Variants in CD8B observed in about 807,000 individuals in gnomAD.
CD8B encodes CD8 subunit beta.
CD8B carries 6 observed loss-of-function variants against 24.2 expected under a neutral mutation model. That is an observed-to-expected ratio of 0.25 (90% CI 0.14 to 0.49). CD8B has a LOEUF of 0.49. Among genes scored for constraint, CD8B ranks in the 20% least tolerant of loss-of-function variants. The pLI, the probability that CD8B is intolerant of heterozygous loss-of-function variation, is 0.98. For synonymous variants in CD8B, 84 were observed against 108.3 expected (o/e 0.78, Z 1.39); for missense variants, 196 against 271.3 (o/e 0.72, Z 1.95).
Position 86,839,335 on chromosome 2 carries a change from G to C in CD8B, c.*2972C>G, listed in dbSNP as rs188199055. ...TTGGATTATTTCCCATTTTTAGCTA[G>C]TAAGCAACACTAGAAGGAACAATCT... is the stretch of plus-strand genomic sequence containing the variant. On this transcript the variant is annotated 3_prime_UTR_variant, in exon 6 of 6. Coordinates refer to ENST00000390655, the MANE Select transcript of CD8B (RefSeq NM_004931.5). 8.0e-3 allele frequency among the ~76,000 whole-genome samples: 1,220 copies of C among 152,268 alleles called. 16 individuals are homozygous for C. Among genetic ancestry groups the C allele is most frequent in the African/African-American group, 0.027 (1,133 of 41,544 alleles).
chr2:86,837,515 CA>C, downstream of CD8B, among the ~76,000 whole-genome samples: 1 of 152,098 alleles, frequency 6.6e-6, no homozygotes, highest in African/African-American at 2.4e-5. Context: ...CAAGAAGCGA[CA>C]GAGGAAATAT....
At chr2:86,838,085 T>G (rs187423900), downstream of CD8B, among the ~76,000 whole-genome samples, 217 of 152,348 alleles carry the variant, frequency 1.4e-3, 2 homozygotes, top group African/African-American at 5.0e-3. Flanking sequence ...TGGTTCAGAT[T>G]TTTTTAATTT....
rs1472613900 is a variant in CD8B, at chr2:86,839,658, C to T, written c.*2649G>A. On this transcript the variant is annotated 3_prime_UTR_variant, in exon 6 of 6. Transcript: ENST00000390655. ...GCTGCACAGAAAACTGACAGAGGAG[C>T]GCAAACCACCCCTGCCCCCAGCCCA... Among the ~76,000 whole-genome samples, 1 of 152,214 alleles carries T rather than the reference C, an allele frequency of 6.6e-6. No homozygotes were observed. Among genetic ancestry groups the T allele is most frequent in the African/African-American group, 2.4e-5 (1 of 41,450 alleles).
rs1674479825 is a variant in CD8B, at chr2:86,821,691, A to C, written c.621-5973T>G. 2.1e-5 allele frequency: 9 copies of C among 427,608 alleles called. 1 individual carries two copies. Among genetic ancestry groups the C allele is most frequent in the South Asian group, 1.5e-4 (9 of 61,808 alleles). 26.5% of individuals were successfully genotyped at this position (427,608 alleles called of 1,614,324 possible). ...AACCCAGTGTGGACCCCCAAATGGA[A>C]CATTTTCCTTCCCTAGGTGAACGCC... is the stretch of plus-strand genomic sequence containing the variant. On this transcript the variant is annotated intron_variant, in intron 5 of 5. Transcript: ENST00000331469.
intron 5 of CD8B, among the ~76,000 whole-genome samples, chr2:86,844,106 A>C (rs1416744990): frequency 6.6e-6 from 1 of 152,206 alleles, no homozygotes; most frequent in Non-Finnish European, 1.5e-5. Flanking sequence ...GATGGCTTCC[A>C]ACAGCCTCAT....
chr2:86,832,073 A>C (rs1189509333), intron 5 of CD8B, among the ~76,000 whole-genome samples: 1 of 152,218 alleles, frequency 6.6e-6, no homozygotes, highest in Non-Finnish European at 1.5e-5. Context: ...TTGAGTGTTC[A>C]CACCACGCAG....
chr2:86,854,170 G>T (rs1268152605), intron 2 of CD8B, among the ~76,000 whole-genome samples: 2 of 152,154 alleles, frequency 1.3e-5, no homozygotes, highest in East Asian at 3.9e-4. Flanking sequence ...AGAATGAAAG[G>T]GACAGTGTGT....
chr2:86,860,277 A>G (rs1676506315), intron 1 of CD8B, among the ~76,000 whole-genome samples: 2 of 152,236 alleles, frequency 1.3e-5, no homozygotes, highest in African/African-American at 4.8e-5. Context: ...CTTGGAAAAG[A>G]AAAAATTATT....
chr2:86,837,378 A>C (rs1460724632), downstream of CD8B, among the ~76,000 whole-genome samples: 1 of 152,160 alleles, frequency 6.6e-6, no homozygotes, highest in Admixed American at 6.5e-5. Flanking sequence ...ATTTCTGTGA[A>C]TCTCAAACCG....
intron 5 of CD8B, among the ~76,000 whole-genome samples, chr2:86,821,060 A>C (rs1238903898): frequency 6.6e-6 from 1 of 150,798 alleles, no homozygotes; most frequent in Non-Finnish European, 1.5e-5. Context: ...CCAACTCCCC[A>C]CTTCTGAACC....
At chr2:86,833,061 C>A in intron 5 of CD8B, 1 of 388,300 alleles carries the variant, frequency 2.6e-6, no homozygotes, top group South Asian at 1.9e-5. Flanking sequence ...CTCACAGGGT[C>A]ATAGGCACAG....
In CD8B at chr2:86,829,095, C is replaced by CTTTTTT. The variant is rs746569858; in HGVS notation, c.621-13383_621-13378dup. Among the ~76,000 whole-genome samples, 278 of 82,974 alleles carry CTTTTTT rather than the reference C, an allele frequency of 3.4e-3. 26 individuals are homozygous for CTTTTTT. Among genetic ancestry groups the CTTTTTT allele is most frequent in the African/African-American group, 7.7e-3 (176 of 22,868 alleles). The allele number at this position is 82,974 out of a possible 152,430, so 54.4% of individuals were successfully genotyped here. On this transcript the variant is annotated intron_variant, in intron 5 of 5. Transcript: ENST00000331469. Reference sequence around the variant, plus strand: ...TTACCATTTTGGCATATGCTCTTTACTTTTTTTTTTTTTTTTTTTTTTGAG... The same window carrying CTTTTTT: ...TTACCATTTTGGCATATGCTCTTTACTTTTTTTTTTTTTTTTTTTTTTTTTTTTGAG...
At chr2:86,829,282 A>G (rs1674816830) in intron 5 of CD8B, among the ~76,000 whole-genome samples, 1 of 151,394 alleles carries the variant, frequency 6.6e-6, no homozygotes, top group African/African-American at 2.4e-5. Context: ...AATTTTTTGC[A>G]TTTTAGTAGA....
chr2:86,858,444 A>G, intron 1 of CD8B, 28 bp from the exon 2 acceptor site: 2 of 1,556,264 alleles, frequency 1.3e-6, no homozygotes, highest in Non-Finnish European at 1.7e-6. Flanking sequence ...CAGAGACATC[A>G]CACATTTTCC....
At chr2:86,859,495 G>A (rs1435457572) in intron 1 of CD8B, among the ~76,000 whole-genome samples, 1 of 152,138 alleles carries the variant, frequency 6.6e-6, no homozygotes, top group Non-Finnish European at 1.5e-5. Context: ...CTGAGGGTTG[G>A]AAATAAATGA....
chr2:86,822,757 C>A (rs1271957648), intron 5 of CD8B, among the ~76,000 whole-genome samples: 1 of 152,132 alleles, frequency 6.6e-6, no homozygotes, highest in Non-Finnish European at 1.5e-5. Flanking sequence ...TCCCAGAGAG[C>A]AATGTTCAGT....
chr2:86,826,607 T>C (rs1222869393), intron 5 of CD8B, among the ~76,000 whole-genome samples: 1 of 152,122 alleles, frequency 6.6e-6, no homozygotes, highest in Non-Finnish European at 1.5e-5. Context: ...ATAGATACCT[T>C]ACTGTGCCGC....
chr2:86,846,927 ATTTTTTTTT>A (rs60980294), intron 3 of CD8B, among the ~76,000 whole-genome samples, 154 bp from the exon 4 acceptor site: 2 of 58,858 alleles, frequency 3.4e-5, no homozygotes, highest in Admixed American at 1.8e-4. Flanking sequence ...TTCCTCAAGT[ATTTTTTTTT>A]TTTTTTTTTT....
intron 5 of CD8B, among the ~76,000 whole-genome samples, chr2:86,829,095 C>CTATTTTTT (rs1674804563): frequency 1.2e-5 from 1 of 82,992 alleles, no homozygotes; most frequent in Non-Finnish European, 2.2e-5. Context: ...ATGCTCTTTA[C>CTATTTTTT]TTTTTTTTTT....
Sources: allele counts gnomAD v4.1 joint callset (sites outside exome capture counted in the v4.1 genomes callset), GRCh38; gene constraint gnomAD v4.1.1; transcripts MANE v1.5; gene names NCBI Gene and HGNC (gene_info 2026-07-23, HGNC 2026-07-21).